PPM1B: variants seen among roughly 807,000 people sequenced by gnomAD.
PPM1B encodes the protein protein phosphatase 1B.
Under a neutral mutation model 43.0 loss-of-function variants are expected in PPM1B, and 22 were observed. That is an observed-to-expected ratio of 0.51 (90% CI 0.37 to 0.73). PPM1B has a LOEUF of 0.73. PPM1B is among the 30% of genes least tolerant of loss of function. PPM1B has a pLI of 0.00. For missense variants in PPM1B, 632 were observed against 584.2 expected (o/e 1.08, Z -0.84); for synonymous variants, 217 against 197.9 (o/e 1.10, Z -0.81).
intron 1 of PPM1B, among the ~76,000 whole-genome samples, chr2:44,195,851 G>C (rs1449839072): frequency 6.6e-6 from 1 of 152,128 alleles, no homozygotes; most frequent in Non-Finnish European, 1.5e-5. Flanking sequence ...CTCTGCCTGG[G>C]AAACCAGGTG....
At position 44,230,404 on chromosome 2, in the gene PPM1B, T is replaced by TA. The variant is rs1197356598; in HGVS notation, c.1135-2dup. On this transcript the variant is annotated splice_polypyrimidine_tract_variant and intron_variant, in intron 5 of 5. Transcript: ENST00000282412. Reference sequence around the variant, plus strand: ...CTACTGACACTGGGGTCTTGAATCTTAAAAAAAGGCCTCCGATGAAGCAGA... The same window carrying TA: ...CTACTGACACTGGGGTCTTGAATCTTAAAAAAAAGGCCTCCGATGAAGCAGA... 6 of 1,611,858 alleles carry TA rather than the reference T, an allele frequency of 3.7e-6. No individual in the cohort carries two copies. Among genetic ancestry groups the TA allele is most frequent in the African/African-American group, 1.3e-5 (1 of 74,780 alleles).
intron 1 of PPM1B, among the ~76,000 whole-genome samples, chr2:44,184,791 C>T (rs1668045003): frequency 6.6e-6 from 1 of 151,906 alleles, no homozygotes; most frequent in South Asian, 2.1e-4. Context: ...TTTTTATTTT[C>T]ACTAATCTCT....
rs143953226 is a variant in PPM1B at position 44,240,578 on chromosome 2, T to TA, written n.1547-3641dup. On this transcript the variant is annotated intron_variant and non_coding_transcript_variant, in intron 5 of 5. Coordinates refer to the PPM1B transcript ENST00000378540. ...ATGTTGCATTAAAATATCTAAAATTTAAAAAAAAATTTATCTTGATTACTT... is the reference window on the plus strand; with the variant it reads ...ATGTTGCATTAAAATATCTAAAATTTAAAAAAAAAATTTATCTTGATTACTT... 8.3e-5 allele frequency among the ~76,000 whole-genome samples: 12 copies of TA among 144,728 alleles called. 3 individuals carry two copies. The East Asian group carries it at 1.0e-3, about 13-fold the overall frequency. The allele number at this position is 144,728 out of a possible 152,430, so 94.9% of individuals were successfully genotyped here.
intron 5 of PPM1B, among the ~76,000 whole-genome samples, chr2:44,223,129 A>G (rs1188143080): frequency 6.6e-6 from 1 of 152,134 alleles, no homozygotes; most frequent in Admixed American, 6.6e-5. Context: ...ACTGCATCCA[A>G]CCACAAGATA....
intron 1 of PPM1B, among the ~76,000 whole-genome samples, chr2:44,181,787 G>GTT (rs1188357199): frequency 6.6e-6 from 1 of 152,128 alleles, no homozygotes; most frequent in East Asian, 1.9e-4. Flanking sequence ...CAAGCTTTGT[G>GTT]TTTAAAATCT....
intron 1 of PPM1B, among the ~76,000 whole-genome samples, chr2:44,186,915 T>G (rs1359172789): frequency 6.6e-6 from 1 of 152,246 alleles, no homozygotes; most frequent in Non-Finnish European, 1.5e-5. Context: ...CATAACCATC[T>G]TAACCATTTT....
At chr2:44,215,271 C>G (rs1222370574) in intron 3 of PPM1B, among the ~76,000 whole-genome samples, 1 of 152,028 alleles carries the variant, frequency 6.6e-6, no homozygotes, top group Non-Finnish European at 1.5e-5. Context: ...AGTTCAAGAC[C>G]AGCCTCGGCA....
Position 44,231,353 on chromosome 2 carries a change from C to A in PPM1B, c.*635C>A. On this transcript the variant is annotated 3_prime_UTR_variant, in exon 6 of 6. Coordinates refer to ENST00000282412, the MANE Select transcript of PPM1B (RefSeq NM_002706.6). The stretch of plus-strand genomic sequence containing the variant: ...AAAAACCTATGTATTATTCATACAG[C>A]TTTGGTTTGTATATTCTGTATAGCC... The A allele has an allele frequency of 2.0e-6, 2 of 977,156 alleles. No individual in the cohort carries two copies. 60.5% of individuals were successfully genotyped at this position (977,156 alleles called of 1,614,324 possible). A position where few individuals can be genotyped will look rare whatever the true frequency, so the allele number is the denominator to read the frequency against.
chr2:44,203,786 G>C (rs1265452890), intron 2 of PPM1B, among the ~76,000 whole-genome samples: 1 of 152,118 alleles, frequency 6.6e-6, no homozygotes, highest in East Asian at 1.9e-4. Context: ...TGAGGGAATA[G>C]CCAAAAAATC....
At position 44,231,373 on chromosome 2, in the gene PPM1B, A is replaced by G; in HGVS notation, c.*655A>G. The G allele has an allele frequency of 2.1e-6, 2 of 973,588 alleles. No homozygotes were observed. Among genetic ancestry groups the G allele is most frequent in the Non-Finnish European group, 2.4e-6 (2 of 819,202 alleles). The allele number at this position is 973,588 out of a possible 1,614,324, so 60.3% of individuals were successfully genotyped here. A position where few individuals can be genotyped will look rare whatever the true frequency, so the allele number is the denominator to read the frequency against. On this transcript the variant is annotated 3_prime_UTR_variant, in exon 6 of 6. Transcript: ENST00000282412. ...TACAGCTTTGGTTTGTATATTCTGT[A>G]TAGCCTAACTACACACATCAAAATG...
At chr2:44,214,893 A>G (rs895069963) in intron 3 of PPM1B, among the ~76,000 whole-genome samples, 2 of 152,208 alleles carry the variant, frequency 1.3e-5, no homozygotes, top group Non-Finnish European at 1.5e-5. Flanking sequence ...TTAAGCACCT[A>G]TTATGGTGCC....
chr2:44,179,493 TC>T (rs1476039007), intron 1 of PPM1B, among the ~76,000 whole-genome samples: 1 of 152,180 alleles, frequency 6.6e-6, no homozygotes, highest in Non-Finnish European at 1.5e-5. Context: ...TCTCTCTCTC[TC>T]TTTTTTTTAA....
intron 5 of PPM1B, among the ~76,000 whole-genome samples, chr2:44,221,773 A>G (rs892135227): frequency 6.6e-5 from 10 of 152,136 alleles, no homozygotes; most frequent in African/African-American, 1.9e-4. Flanking sequence ...TAATTAAGAC[A>G]TCTTTTAAAT....
intron 2 of PPM1B, among the ~76,000 whole-genome samples, chr2:44,206,771 G>A (rs1167507965): frequency 6.6e-6 from 1 of 151,886 alleles, no homozygotes; most frequent in East Asian, 1.9e-4. Flanking sequence ...TGTGTTGCCC[G>A]GGCTAGTCTC....
At chr2:44,186,356 ATATT>A in intron 1 of PPM1B, among the ~76,000 whole-genome samples, 1 of 152,240 alleles carries the variant, frequency 6.6e-6, no homozygotes. Context: ...ATTATTTTAA[ATATT>A]TCATGTGTAC....
downstream of PPM1B, chr2:44,244,456 C>G: frequency 9.9e-7 from 1 of 1,006,004 alleles, no homozygotes; most frequent in Non-Finnish European, 1.2e-6. Context: ...TCACTGTGCC[C>G]TTCAAAATCA....
At chr2:44,236,133 C>T (rs959749373), downstream of PPM1B, among the ~76,000 whole-genome samples, 20 of 151,690 alleles carry the variant, frequency 1.3e-4, no homozygotes, top group African/African-American at 4.1e-4. Context: ...CAGTGGCTCA[C>T]GCCTGTAATC....
Position 44,230,572 on chromosome 2 carries a change from C to G in PPM1B, c.1294C>G (p.Pro432Ala). ...KVEGEESPAE[P>A]AATATSSNSD... The stretch of plus-strand genomic sequence containing the variant: ...AGAGGGAGAAGAAAGCCCTGCTGAA[C>G]CAGCTGCCACAGCTACTTCTTCGAA... Residue 432 changes from proline (P) to alanine (A), a missense_variant, in exon 6 of 6, where the codon CCA becomes GCA. Physicochemically the swap from Pro to Ala is conservative, Grantham distance 27. This residue lies in a region of PPM1B where 392 missense variants were observed against 302.7 expected (regional missense o/e 1.29). Transcript: ENST00000282412. 2 of 1,614,162 alleles carry G rather than the reference C, an allele frequency of 1.2e-6. No homozygotes were observed. Among genetic ancestry groups the G allele is most frequent in the Non-Finnish European group, 1.7e-6 (2 of 1,180,022 alleles).
chr2:44,232,235 A>G (rs912583504), downstream of PPM1B: 15 of 1,547,428 alleles, frequency 9.7e-6, no homozygotes, highest in South Asian at 7.2e-5. Context: ...TTGTTCATCA[A>G]TTTTGTTTTC....
Sources: gnomAD v4.1 joint callset for allele counts (sites outside exome capture counted in the v4.1 genomes callset) on GRCh38, gnomAD v4.1.1 for gene constraint, gnomAD v4.1.1 regional missense constraint, MANE v1.5 for transcripts, NCBI Gene and HGNC (gene_info 2026-07-23, HGNC 2026-07-21) for gene names.